PABPN1L: variants seen among roughly 807,000 people sequenced by gnomAD.
PABPN1L encodes embryonic polyadenylate-binding protein 2.
In PABPN1L, 45 loss-of-function variants were observed where a neutral mutation model predicts 34.0. The observed-to-expected ratio is 1.32, with a 90% CI of 1.04 to 1.70. PABPN1L has a LOEUF of 1.70. PABPN1L is among the 40% of genes most tolerant of loss of function. The probability of loss-of-function intolerance (pLI) is 0.00; values close to 1 mark genes in which losing one functional copy is unlikely to be tolerated. For missense variants in PABPN1L, 459 were observed against 367.8 expected (o/e 1.25, Z -2.03); for synonymous variants, 182 against 152.1 (o/e 1.20, Z -1.45).
upstream of PABPN1L, among the ~76,000 whole-genome samples, chr16:88,867,061 GGCCT>G (rs1968619788): frequency 6.6e-6 from 1 of 152,172 alleles, no homozygotes; most frequent in South Asian, 2.1e-4. Context: ...GGAGAGGCAG[GGCCT>G]GAGCAGAGAC....
At chr16:88,865,817 G>C (rs940900431) in exon 2 of PABPN1L, 2 of 1,606,426 alleles carry the variant, frequency 1.2e-6, no homozygotes, top group African/African-American at 2.7e-5. Flanking sequence ...CACGGTCTCA[G>C]GGCTCAGCAG....
chr16:88,868,588 G>A (rs750573222), upstream of PABPN1L, among the ~76,000 whole-genome samples: 3 of 151,966 alleles, frequency 2.0e-5, no homozygotes, highest in Non-Finnish European at 4.4e-5. Flanking sequence ...CCTGGGCGAC[G>A]GAGTGAGACT....
chr16:88,865,008 G>C lies in PABPN1L; in HGVS notation c.566+14C>G. The C allele has an allele frequency of 6.3e-7, 1 of 1,599,500 alleles. No homozygotes were observed. Among genetic ancestry groups the C allele is most frequent in the East Asian group, 2.3e-5 (1 of 44,168 alleles). Reference sequence around the variant, plus strand: ...GTCCGCATGGCCAGTGCCCCCACCAGGCCCCACACTGACCCCTTGGGGTGT... The same window carrying C: ...GTCCGCATGGCCAGTGCCCCCACCACGCCCCACACTGACCCCTTGGGGTGT... On this transcript the variant is annotated intron_variant, in intron 4 of 6. Transcript: ENST00000419291.
At chr16:88,864,643 C>T (rs944696198) in intron 5 of PABPN1L, among the ~76,000 whole-genome samples, 2 of 147,352 alleles carry the variant, frequency 1.4e-5, no homozygotes, top group African/African-American at 5.2e-5. Flanking sequence ...GGGCTCCCGC[C>T]CGAGAGGGGA....
intron 5 of PABPN1L, 80 bp from the exon 6 acceptor site, chr16:88,864,459 C>CATGCTCCGGGGTGGTG: frequency 6.8e-7 from 1 of 1,475,932 alleles, no homozygotes; most frequent in Non-Finnish European, 9.0e-7. Flanking sequence ...CCCACCACCC[C>CATGCTCCGGGGTGGTG]GGAGCATGGG....
intron 2 of PABPN1L, 82 bp from the exon 3 acceptor site, chr16:88,865,712 G>A (rs1968575411): frequency 1.6e-5 from 25 of 1,554,132 alleles, no homozygotes; most frequent in Non-Finnish European, 1.9e-5. Context: ...AGGCTTATAG[G>A]GGAGGTGACA....
At chr16:88,867,629 C>T (rs963546387), upstream of PABPN1L, among the ~76,000 whole-genome samples, 34 of 151,534 alleles carry the variant, frequency 2.2e-4, no homozygotes, top group Non-Finnish European at 3.5e-4. Context: ...TATTGTGGGG[C>T]GGGGTCTCCG....
upstream of PABPN1L, among the ~76,000 whole-genome samples, chr16:88,870,016 A>G (rs1158370378): frequency 6.6e-6 from 1 of 152,030 alleles, no homozygotes; most frequent in Non-Finnish European, 1.5e-5. Context: ...CCAGGGCCCC[A>G]TGGGGGTGGC....
rs1414249550 is a variant in PABPN1L, at chr16:88,865,262, C to G, written c.460-134G>C. ...TGGCCCCAGGCCTCCACCCCACACC[C>G]CCGCTGGGGTTGGAGGGAAGAGAGG... On this transcript the variant is annotated intron_variant, in intron 3 of 6. Coordinates refer to ENST00000419291, the Ensembl canonical transcript of PABPN1L. 6 of 917,074 alleles carry G rather than the reference C, an allele frequency of 6.5e-6. No homozygotes were observed. In the Admixed American group the frequency reaches 1.0e-4, roughly 16 times the overall value. 56.8% of individuals were successfully genotyped at this position (917,074 alleles called of 1,614,324 possible).
At chr16:88,868,367 C>T (rs971985283), upstream of PABPN1L, among the ~76,000 whole-genome samples, 1 of 152,096 alleles carries the variant, frequency 6.6e-6, no homozygotes, top group Non-Finnish European at 1.5e-5. Flanking sequence ...GTCTGGGAGG[C>T]CGAGGTGAGC....
chr16:88,865,495 G>A, intron 3 of PABPN1L, 68 bp downstream of exon 3: 3 of 1,556,274 alleles, frequency 1.9e-6, no homozygotes, highest in South Asian at 1.2e-5. Context: ...CCATGGCCGG[G>A]CGCCAGACCC....
At chr16:88,865,366 G>T (rs931581639) in intron 3 of PABPN1L, among the ~76,000 whole-genome samples, 197 bp downstream of exon 3, 6 of 151,788 alleles carry the variant, frequency 4.0e-5, no homozygotes, top group African/African-American at 1.5e-4. Flanking sequence ...GAGATTTCAT[G>T]TGCAACCCCG....
rs537683283 is a variant in PABPN1L at position 88,865,946 on chromosome 16, C to T, written c.256-5G>A. On this transcript the variant is annotated splice_region_variant and splice_polypyrimidine_tract_variant and intron_variant, in intron 1 of 6. Transcript: ENST00000419291. ...CATCTTGATGGCCTCCAGCTCCTGC[C>T]GACACACGGCCCTGAGCCGGGCAGG... 1.9e-5 allele frequency: 31 copies of T among 1,604,758 alleles called. No individual in the cohort carries two copies. Among genetic ancestry groups the T allele is most frequent in the African/African-American group, 9.3e-5 (7 of 74,932 alleles).
upstream of PABPN1L, among the ~76,000 whole-genome samples, chr16:88,867,688 G>T (rs1230906895): frequency 2.0e-5 from 3 of 152,186 alleles, no homozygotes; most frequent in Admixed American, 2.0e-4. Flanking sequence ...TGGGCATCCG[G>T]TGGTGTCTGC....
intron 1 of PABPN1L, 138 bp downstream of exon 1, chr16:88,866,214 C>T: frequency 2.9e-6 from 4 of 1,379,400 alleles, no homozygotes; most frequent in Non-Finnish European, 3.8e-6. Context: ...CTCCTTGCCA[C>T]CTTCGTCCAG....
exon 5 of PABPN1L, chr16:88,864,908 G>T: frequency 6.3e-7 from 1 of 1,589,280 alleles, no homozygotes; most frequent in Non-Finnish European, 8.6e-7. Flanking sequence ...GGCCTGCACG[G>T]AGCCCTTGGT....
chr16:88,863,928 C>T, intron 6 of PABPN1L, 133 bp from the exon 7 acceptor site: 1 of 964,050 alleles, frequency 1.0e-6, no homozygotes, highest in Non-Finnish European at 1.5e-6. Context: ...AGGGGCCTTT[C>T]TGGTGACTCC....
chr16:88,867,585 G>C (rs895101074), upstream of PABPN1L, among the ~76,000 whole-genome samples: 1 of 152,150 alleles, frequency 6.6e-6, no homozygotes. Context: ...TTCTGCTGTG[G>C]GGCGGGGGCT....
At chr16:88,863,589 G>A (rs979788344) in exon 7 of PABPN1L, 2 of 858,244 alleles carry the variant, frequency 2.3e-6, no homozygotes, top group African/African-American at 3.3e-5. Context: ...ACCATACAAG[G>A]CCCTACTGGG....
Sources: allele counts gnomAD v4.1 joint callset (sites outside exome capture counted in the v4.1 genomes callset), GRCh38; gene constraint gnomAD v4.1.1; transcripts MANE v1.5; gene names NCBI Gene and HGNC (gene_info 2026-07-23, HGNC 2026-07-21).